Variants in DAB1 observed in about 807,000 individuals in gnomAD.
DAB1 encodes the protein DAB adaptor protein 1, also known as disabled homolog 1.
DAB1 carries 15 observed loss-of-function variants against 64.6 expected under a neutral mutation model. The ratio of observed to expected loss-of-function variants is 0.23; its 90% CI spans 0.16 to 0.36. DAB1 has a LOEUF of 0.36. Among genes scored for constraint, DAB1 ranks in the 10% least tolerant of loss-of-function variants. DAB1 has a pLI of 1.00. For synonymous variants in DAB1, 235 were observed against 251.9 expected (o/e 0.93, Z 0.64); for missense variants, 596 against 706.7 (o/e 0.84, Z 1.78).
chr1:57,119,797 C>T (rs1656472604), intron 4 of DAB1, among the ~76,000 whole-genome samples: 2 of 152,082 alleles, frequency 1.3e-5, no homozygotes, highest in African/African-American at 2.4e-5. Context: ...AACCCCCTTC[C>T]AGATTAAATT....
chr1:58,540,024 G>C (rs1342751662), intron 1 of DAB1, among the ~76,000 whole-genome samples: 1 of 152,072 alleles, frequency 6.6e-6, no homozygotes, highest in Non-Finnish European at 1.5e-5. Flanking sequence ...AAATTCCCTG[G>C]AGCTGGGAAA....
At chr1:57,755,407 A>G (rs1010262202) in intron 6 of DAB1, among the ~76,000 whole-genome samples, 4 of 152,168 alleles carry the variant, frequency 2.6e-5, no homozygotes, top group African/African-American at 9.6e-5. Flanking sequence ...TTTCCCGTAA[A>G]GGTCCGACAT....
In DAB1 at chr1:57,022,096, C is replaced by T. The variant is rs1007539504; in HGVS notation, c.895+1435G>A. On this transcript the variant is annotated intron_variant, in intron 11 of 14. Coordinates refer to ENST00000371236, the MANE Select transcript of DAB1 (RefSeq NM_001365792.1). ...GTAGGCTCTCTGTCTGTTGTGTGGA[C>T]TAGCACATCCCAAGCACCTACACAG... Among the ~76,000 whole-genome samples, 4 of 152,312 alleles carry T rather than the reference C, an allele frequency of 2.6e-5. No homozygotes were observed. In the South Asian group the frequency reaches 8.3e-4, roughly 32 times the overall value.
chr1:57,724,894 C>T (rs1200193266), intron 6 of DAB1, among the ~76,000 whole-genome samples: 1 of 152,220 alleles, frequency 6.6e-6, no homozygotes, highest in East Asian at 1.9e-4. Flanking sequence ...CACATAGGTG[C>T]TGCTCATTAA....
At chr1:57,831,117 G>A (rs569033423) in intron 1 of DAB1, among the ~76,000 whole-genome samples, 5 of 152,134 alleles carry the variant, frequency 3.3e-5, no homozygotes, top group Non-Finnish European at 5.9e-5. Context: ...GTTTCACCAC[G>A]TTAGCCAGGA....
chr1:58,293,582 G>T (rs1661899028), intron 4 of DAB1, among the ~76,000 whole-genome samples: 1 of 152,142 alleles, frequency 6.6e-6, no homozygotes, highest in Admixed American at 6.5e-5. Flanking sequence ...GAAACCACAG[G>T]AGAATCTGGC....
chr1:57,670,934 G>T (rs2101683586), intron 6 of DAB1, among the ~76,000 whole-genome samples: 1 of 152,192 alleles, frequency 6.6e-6, no homozygotes, highest in Non-Finnish European at 1.5e-5. Context: ...CATAGTATTT[G>T]CATGTAACCT....
chr1:57,003,569 G>A (rs768131241), intron 14 of DAB1, among the ~76,000 whole-genome samples: 10 of 151,792 alleles, frequency 6.6e-5, no homozygotes, highest in Non-Finnish European at 7.4e-5. Context: ...TTTTAACCAC[G>A]TTTAAGTGTA....
intron 5 of DAB1, among the ~76,000 whole-genome samples, chr1:58,033,291 C>T (rs983546065): frequency 3.3e-5 from 5 of 152,172 alleles, no homozygotes; most frequent in African/African-American, 1.2e-4. Flanking sequence ...CAAGAAGCCC[C>T]TCACTACAGG....
At chr1:57,428,054 G>A (rs1282663948), upstream of DAB1, among the ~76,000 whole-genome samples, 1 of 152,060 alleles carries the variant, frequency 6.6e-6, no homozygotes, top group Non-Finnish European at 1.5e-5. Flanking sequence ...TGTAATCCCA[G>A]CTACTCAGGA....
chr1:57,390,501 C>G (rs1682260686), intron 1 of DAB1, among the ~76,000 whole-genome samples: 2 of 152,186 alleles, frequency 1.3e-5, no homozygotes, highest in Admixed American at 1.3e-4. Flanking sequence ...CTCCTTAATT[C>G]ATGGAAACCA....
intron 6 of DAB1, among the ~76,000 whole-genome samples, chr1:57,761,226 A>G (rs1011956062): frequency 6.6e-6 from 1 of 152,202 alleles, no homozygotes; most frequent in Non-Finnish European, 1.5e-5. Context: ...ACAAGTGTCT[A>G]TCCCTTACTG....
chr1:57,687,052 G>C (rs2101706974), intron 6 of DAB1, among the ~76,000 whole-genome samples: 1 of 152,200 alleles, frequency 6.6e-6, no homozygotes, highest in Non-Finnish European at 1.5e-5. Context: ...AAGCAATCAG[G>C]CAAGAGAAAG....
At chr1:57,800,953 C>A (rs1651097682) in intron 6 of DAB1, among the ~76,000 whole-genome samples, 1 of 152,160 alleles carries the variant, frequency 6.6e-6, no homozygotes. Flanking sequence ...AGAACTTATT[C>A]TATGCCAAGC....
intron 4 of DAB1, among the ~76,000 whole-genome samples, chr1:58,296,898 T>C (rs1229116582): frequency 2.0e-5 from 3 of 152,206 alleles, no homozygotes; most frequent in African/African-American, 4.8e-5. Context: ...ACCTACTTCA[T>C]AGGGTTGTCC....
intron 3 of DAB1, among the ~76,000 whole-genome samples, chr1:57,137,943 T>C (rs970083902): frequency 6.6e-5 from 10 of 152,180 alleles, no homozygotes; most frequent in African/African-American, 2.4e-4. Context: ...TGTATAATCT[T>C]GGACAAATTA....
At chr1:57,869,146 C>T (rs1036284975) in intron 1 of DAB1, among the ~76,000 whole-genome samples, 30 of 152,018 alleles carry the variant, frequency 2.0e-4, no homozygotes, top group Non-Finnish European at 4.3e-4. Context: ...TCCTTTACTG[C>T]CAGTAAAACT....
intron 6 of DAB1, among the ~76,000 whole-genome samples, chr1:57,672,463 C>G (rs898312569): frequency 1.3e-5 from 2 of 152,010 alleles, no homozygotes; most frequent in Non-Finnish European, 2.9e-5. Context: ...CAATTTAAAC[C>G]CAGACCTTCT....
At chr1:58,135,204 A>G (rs1474544561) in intron 5 of DAB1, among the ~76,000 whole-genome samples, 1 of 152,222 alleles carries the variant, frequency 6.6e-6, no homozygotes, top group Admixed American at 6.5e-5. Context: ...TCTCTAAAGC[A>G]ATCCAGACAT....
Sources: allele counts gnomAD v4.1 joint callset (sites outside exome capture counted in the v4.1 genomes callset), GRCh38; gene constraint gnomAD v4.1.1; transcripts MANE v1.5; gene names NCBI Gene and HGNC (gene_info 2026-07-23, HGNC 2026-07-21).